The following PTPRM variants were observed in gnomAD, a reference collection of about 807,000 sequenced individuals.
PTPRM encodes receptor-type tyrosine-protein phosphatase mu.
PTPRM carries 47 observed loss-of-function variants against 186.7 expected under a neutral mutation model. That is an observed-to-expected ratio of 0.25 (90% CI 0.20 to 0.32). The LOEUF (loss-of-function observed/expected upper bound fraction) is 0.32, where lower values mean the gene tolerates loss of function less well. PTPRM is among the 10% of genes least tolerant of loss of function. The pLI is 1.00. For missense variants in PTPRM, 1,494 were observed against 1,865.0 expected (o/e 0.80, Z 3.66); for synonymous variants, 668 against 674.9 (o/e 0.99, Z 0.16).
chr18:8,308,116 T>A (rs1007631775), intron 20 of PTPRM, among the ~76,000 whole-genome samples: 1 of 152,358 alleles, frequency 6.6e-6, no homozygotes, highest in East Asian at 1.9e-4. Context: ...AGAAAAACTT[T>A]AGACAAATTA....
intron 14 of PTPRM, among the ~76,000 whole-genome samples, chr18:8,204,857 A>T (rs1018922307): frequency 1.3e-5 from 2 of 152,106 alleles, no homozygotes; most frequent in Admixed American, 6.5e-5. Flanking sequence ...TTTTCTCTCT[A>T]GTATGTCAGG....
Position 8,378,255 on chromosome 18 carries a change from CCTT to C in PTPRM, c.3463-7_3463-5del. On this transcript the variant is annotated splice_polypyrimidine_tract_variant and splice_region_variant and intron_variant, in intron 26 of 32. Transcript: ENST00000580170. ...CTAAAGTTAGTAACTCGTTCCATCT[CCTT>C]CTCCAGGAGCAGTATGTGTTTATCC... 6.2e-7 allele frequency: 1 copy of C among 1,605,796 alleles called. No homozygotes were observed. The highest frequency in any genetic ancestry group is 1.1e-5 in the South Asian group (1 of 90,394).
chr18:8,126,027 A>ATATATATATATATTTTTTTTTTT (rs57751538), intron 13 of PTPRM, among the ~76,000 whole-genome samples: 1 of 69,542 alleles, frequency 1.4e-5, no homozygotes. Context: ...ATATATATAT[A>ATATATATATATATTTTTTTTTTT]TTTTAAATCA....
chr18:7,829,106 G>A (rs1017236498), intron 2 of PTPRM, among the ~76,000 whole-genome samples: 17 of 152,096 alleles, frequency 1.1e-4, no homozygotes, highest in Non-Finnish European at 2.9e-5. Context: ...TGGACTATCT[G>A]CATCATTTTT....
chr18:7,618,669 A>G (rs1052113057), intron 1 of PTPRM, among the ~76,000 whole-genome samples: 1 of 152,148 alleles, frequency 6.6e-6, no homozygotes, highest in African/African-American at 2.4e-5. Context: ...CATAGTTTGT[A>G]CCCTTTGATT....
chr18:7,801,754 T>C (rs566369402), intron 2 of PTPRM, among the ~76,000 whole-genome samples: 3 of 152,258 alleles, frequency 2.0e-5, no homozygotes, highest in South Asian at 4.2e-4. Flanking sequence ...GACTGTAGTG[T>C]CACTAGGCGA....
intron 7 of PTPRM, among the ~76,000 whole-genome samples, chr18:8,057,425 C>CTTTTTTTTTTTTTTTTTTTTTTATCTTT (rs2088080737): frequency 9.8e-6 from 1 of 102,562 alleles, no homozygotes; most frequent in Non-Finnish European, 1.9e-5. Flanking sequence ...TGTGATACTT[C>CTTTTTTTTTTTTTTTTTTTTTTATCTTT]TTTTTTTTTT....
intron 22 of PTPRM, among the ~76,000 whole-genome samples, chr18:8,341,493 G>A (rs774023058): frequency 1.3e-5 from 2 of 152,150 alleles, no homozygotes; most frequent in Non-Finnish European, 2.9e-5. Flanking sequence ...AGGCAGAATG[G>A]GGCCCCTAGC....
chr18:8,169,472 G>A (rs1464571383), intron 14 of PTPRM, among the ~76,000 whole-genome samples: 3 of 152,052 alleles, frequency 2.0e-5, no homozygotes, highest in Admixed American at 6.6e-5. Flanking sequence ...CCCTGTTGCC[G>A]AGTACACTCT....
intron 22 of PTPRM, among the ~76,000 whole-genome samples, chr18:8,323,291 T>G (rs1381112424): frequency 3.3e-5 from 5 of 152,074 alleles, no homozygotes. Context: ...CCAGAGTCAT[T>G]TGTGCACCGG....
At chr18:7,879,602 G>A (rs7231618) in intron 2 of PTPRM, among the ~76,000 whole-genome samples, 65,956 of 151,968 alleles carry the variant, frequency 0.43, 17,877 homozygotes, top group African/African-American at 0.76. Flanking sequence ...TAATAAAAAT[G>A]GCCGTTCAGT....
At chr18:8,337,487 A>G (rs761550883) in intron 22 of PTPRM, among the ~76,000 whole-genome samples, 33 of 152,216 alleles carry the variant, frequency 2.2e-4, no homozygotes, top group Non-Finnish European at 4.7e-4. Context: ...ATTTAACACT[A>G]GGCTGAGTGC....
chr18:7,972,803 C>G (rs1348137103), intron 7 of PTPRM, among the ~76,000 whole-genome samples: 1 of 152,074 alleles, frequency 6.6e-6, no homozygotes, highest in Non-Finnish European at 1.5e-5. Flanking sequence ...AGATTCCCTC[C>G]TCTTTCAGTC....
At chr18:7,914,994 A>C (rs1444242446) in intron 4 of PTPRM, among the ~76,000 whole-genome samples, 2 of 152,182 alleles carry the variant, frequency 1.3e-5, no homozygotes, top group Non-Finnish European at 2.9e-5. Flanking sequence ...TTCAGTTTGC[A>C]CTTTGATCTC....
chr18:8,331,196 G>A (rs1216296739), intron 22 of PTPRM, among the ~76,000 whole-genome samples: 8 of 152,076 alleles, frequency 5.3e-5, no homozygotes, highest in East Asian at 1.9e-4. Context: ...ACTGAATATC[G>A]CCCAAAAAGA....
chr18:8,285,790 G>A (rs1017502948), intron 19 of PTPRM, among the ~76,000 whole-genome samples: 4 of 152,052 alleles, frequency 2.6e-5, no homozygotes, highest in East Asian at 1.9e-4. Flanking sequence ...CCAGGGGTTC[G>A]AGACCAGCCT....
At chr18:7,962,845 G>A (rs2053771430) in intron 7 of PTPRM, among the ~76,000 whole-genome samples, 1 of 152,180 alleles carries the variant, frequency 6.6e-6, no homozygotes, top group Admixed American at 6.5e-5. Flanking sequence ...ATTATCACTG[G>A]CATTGCAATA....
intron 2 of PTPRM, among the ~76,000 whole-genome samples, chr18:7,807,944 C>G (rs1053596182): frequency 6.6e-6 from 1 of 152,270 alleles, no homozygotes; most frequent in East Asian, 1.9e-4. Context: ...TTATTTTTTA[C>G]TCCTCGGATT....
intron 22 of PTPRM, among the ~76,000 whole-genome samples, chr18:8,324,141 G>T (rs1383532321): frequency 6.6e-6 from 1 of 152,126 alleles, no homozygotes; most frequent in Non-Finnish European, 1.5e-5. Flanking sequence ...ATACTTAGGG[G>T]TTAACAAAAT....
Sources: gnomAD v4.1 joint callset for allele counts (sites outside exome capture counted in the v4.1 genomes callset) on GRCh38, gnomAD v4.1.1 for gene constraint, MANE v1.5 for transcripts, NCBI Gene and HGNC (gene_info 2026-07-23, HGNC 2026-07-21) for gene names.